TENT4B: variants seen among roughly 807,000 people sequenced by gnomAD.
TENT4B encodes the protein PAP associated domain containing 5.
In TENT4B, 10 loss-of-function variants were observed where a neutral mutation model predicts 75.0. The observed-to-expected ratio is 0.13, with a 90% CI of 0.08 to 0.23. The LOEUF is 0.23. Among genes scored for constraint, TENT4B ranks in the 10% least tolerant of loss-of-function variants. The pLI is 1.00. For synonymous variants in TENT4B, 350 were observed against 357.7 expected (o/e 0.98, Z 0.24); for missense variants, 579 against 893.8 (o/e 0.65, Z 4.49).
chr16:50,194,207 CT>C (rs1214300149), intron 1 of TENT4B, among the ~76,000 whole-genome samples: 1 of 121,498 alleles, frequency 8.2e-6, no homozygotes, highest in Non-Finnish European at 1.7e-5. Flanking sequence ...CTTTCTTTCT[CT>C]TTTCTTTCTT....
At chr16:50,154,356 A>AC in intron 1 of TENT4B, 97 bp downstream of exon 1, 3 of 1,341,618 alleles carry the variant, frequency 2.2e-6, no homozygotes, top group Non-Finnish European at 2.9e-6. Flanking sequence ...AGGAGCGGCC[A>AC]CCCCCACGGC....
At chr16:50,207,814 C>G (rs2031066811) in intron 1 of TENT4B, among the ~76,000 whole-genome samples, 1 of 152,166 alleles carries the variant, frequency 6.6e-6, no homozygotes, top group Admixed American at 6.5e-5. Flanking sequence ...CTCTGCCACT[C>G]AAATGAGAGC....
chr16:50,197,844 G>A (rs1180728418), intron 1 of TENT4B, among the ~76,000 whole-genome samples: 1 of 152,112 alleles, frequency 6.6e-6, no homozygotes, highest in African/African-American at 2.4e-5. Flanking sequence ...TGGCACAAGA[G>A]CAGGTTATAG....
chr16:50,224,531 G>A (rs2031962576), intron 7 of TENT4B, 126 bp from the exon 8 acceptor site: 1 of 1,194,068 alleles, frequency 8.4e-7, no homozygotes, highest in Non-Finnish European at 1.2e-6. Context: ...ACAGCTCACA[G>A]CTCAGCTTCC....
In TENT4B at chr16:50,233,989, C is replaced by T; in HGVS notation, c.*4661C>T. On this transcript the variant is annotated 3_prime_UTR_variant, in exon 12 of 12. Coordinates refer to ENST00000561678, the MANE Select transcript of TENT4B (RefSeq NM_001365324.3). ...CTAGTTCCACATTTTAACTTAACGTCTTTGTGGCTTCACCACTGAGCTACC... is the reference window on the plus strand; with the variant it reads ...CTAGTTCCACATTTTAACTTAACGTTTTTGTGGCTTCACCACTGAGCTACC... The T allele has an allele frequency of 1.0e-6, 1 of 985,430 alleles. No individual in the cohort carries two copies. Among genetic ancestry groups the T allele is most frequent in the Non-Finnish European group, 1.2e-6 (1 of 829,934 alleles). 61.0% of individuals were successfully genotyped at this position (985,430 alleles called of 1,614,324 possible).
intron 1 of TENT4B, among the ~76,000 whole-genome samples, chr16:50,163,209 A>G (rs1444820342): frequency 6.6e-6 from 1 of 152,202 alleles, no homozygotes; most frequent in East Asian, 1.9e-4. Context: ...TTTTAATTCT[A>G]TAATTAGGTG....
At position 50,196,488 on chromosome 16, in the gene TENT4B, T is replaced by TC. The variant is rs2030256459; in HGVS notation, c.639-14835_639-14834insC. 3.0e-4 allele frequency among the ~76,000 whole-genome samples: 45 copies of TC among 149,858 alleles called. 1 individual carries two copies. Among genetic ancestry groups the TC allele is most frequent in the Admixed American group, 1.8e-3 (27 of 14,974 alleles). Reference sequence around the variant, plus strand: ...CTTAGAGTAGCTTTTAGTTTATCATTATCATCATCATCATCATCATCATCA... The same window carrying TC: ...CTTAGAGTAGCTTTTAGTTTATCATTCATCATCATCATCATCATCATCATCA... On this transcript the variant is annotated intron_variant, in intron 1 of 11. Coordinates refer to ENST00000561678, the MANE Select transcript of TENT4B (RefSeq NM_001365324.3).
Position 50,230,492 on chromosome 16 carries a change from C to G in TENT4B, c.*1164C>G. On this transcript the variant is annotated 3_prime_UTR_variant, in exon 12 of 12. Coordinates refer to ENST00000561678, the MANE Select transcript of TENT4B (RefSeq NM_001365324.3). ...TAACTGTAAACAGCTTTAATTAAAT[C>G]ATACTTATAAAAAACTATTTTCTTA... 1.0e-6 allele frequency: 1 copy of G among 981,008 alleles called. No homozygotes were observed. The highest frequency in any genetic ancestry group is 1.2e-6 in the Non-Finnish European group (1 of 825,616). The allele number at this position is 981,008 out of a possible 1,614,324, so 60.8% of individuals were successfully genotyped here. A position where few individuals can be genotyped will look rare whatever the true frequency, so the allele number is the denominator to read the frequency against.
rs78043254 is a variant in TENT4B at position 50,175,163 on chromosome 16, T to C, written c.638+20904T>C. ...TAATATTTCTCTTTCTGGGTCTGGC[T>C]TCTTTGTATATTTTGGATAATAAGT... On this transcript the variant is annotated intron_variant, in intron 1 of 11. Transcript: ENST00000561678. 3.4e-3 allele frequency among the ~76,000 whole-genome samples: 519 copies of C among 152,330 alleles called. 2 individuals are homozygous for C. Among genetic ancestry groups the C allele is most frequent in the African/African-American group, 0.011 (452 of 41,578 alleles).
chr16:50,165,847 C>G (rs2038089763), intron 1 of TENT4B, among the ~76,000 whole-genome samples: 1 of 152,124 alleles, frequency 6.6e-6, no homozygotes, highest in South Asian at 2.1e-4. Context: ...AGGTTGTTTC[C>G]ATTTTTTGGC....
intron 1 of TENT4B, among the ~76,000 whole-genome samples, chr16:50,175,531 C>CT (rs1371543937): frequency 2.6e-5 from 4 of 152,108 alleles, no homozygotes; most frequent in Admixed American, 1.3e-4. Context: ...TGTCGCCAGG[C>CT]TGAAGTGCAG....
chr16:50,216,029 GT>G, intron 3 of TENT4B, 45 bp from the exon 4 acceptor site: 1 of 1,609,392 alleles, frequency 6.2e-7, no homozygotes, highest in Non-Finnish European at 8.5e-7. Flanking sequence ...GTTAAAACAA[GT>G]TTCCAACTTC....
chr16:50,169,616 A>C (rs957406109), intron 1 of TENT4B, among the ~76,000 whole-genome samples: 2 of 152,066 alleles, frequency 1.3e-5, no homozygotes, highest in Admixed American at 1.3e-4. Flanking sequence ...TCTTCAAGCT[A>C]CTTGGTTGTC....
chr16:50,210,968 T>C (rs996029960), intron 1 of TENT4B, among the ~76,000 whole-genome samples: 1 of 152,200 alleles, frequency 6.6e-6, no homozygotes, highest in African/African-American at 2.4e-5. Flanking sequence ...CCCCAAGAGA[T>C]AAGAGGGTCA....
At chr16:50,184,689 A>T (rs2150700968) in intron 1 of TENT4B, among the ~76,000 whole-genome samples, 1 of 151,978 alleles carries the variant, frequency 6.6e-6, no homozygotes, top group Admixed American at 6.5e-5. Context: ...AAAAGAGAAT[A>T]ATGCTGCCAT....
chr16:50,153,560 C>T lies in TENT4B; in HGVS notation c.-62C>T. On this transcript the variant is annotated 5_prime_UTR_variant, in exon 1 of 12. Transcript: ENST00000561678. ...GCCGAGGCCGGGCGTGCGCCTGAGG[C>T]GGCGGCGGCGGCGGCCCTGCGGGCG... is the stretch of plus-strand genomic sequence containing the variant. 2.1e-6 allele frequency: 2 copies of T among 963,066 alleles called. No homozygotes were observed. Among genetic ancestry groups the T allele is most frequent in the Non-Finnish European group, 2.4e-6 (2 of 819,684 alleles). 59.7% of individuals were successfully genotyped at this position (963,066 alleles called of 1,614,324 possible). A position where few individuals can be genotyped will look rare whatever the true frequency, so the allele number is the denominator to read the frequency against.
chr16:50,163,306 T>C (rs1045666698), intron 1 of TENT4B, among the ~76,000 whole-genome samples: 25 of 152,312 alleles, frequency 1.6e-4, no homozygotes, highest in African/African-American at 5.3e-4. Context: ...TTTGAAGTTA[T>C]TCACCCTTTA....
chr16:50,231,118 A>G lies in TENT4B; in HGVS notation c.*1790A>G. 14 of 985,512 alleles carry G rather than the reference A, an allele frequency of 1.4e-5. No individual in the cohort carries two copies. The highest frequency in any genetic ancestry group is 1.7e-5 in the Non-Finnish European group (14 of 829,594). 61.0% of individuals were successfully genotyped at this position (985,512 alleles called of 1,614,324 possible). A position where few individuals can be genotyped will look rare whatever the true frequency, so the allele number is the denominator to read the frequency against. ...TGTTCATATTTTAATTCACAATGGAAAAATGTGTTCCAAAACTGGAAACTC... is the reference window on the plus strand; with the variant it reads ...TGTTCATATTTTAATTCACAATGGAGAAATGTGTTCCAAAACTGGAAACTC... On this transcript the variant is annotated 3_prime_UTR_variant, in exon 12 of 12. Transcript: ENST00000561678.
intron 1 of TENT4B, among the ~76,000 whole-genome samples, chr16:50,207,403 G>A (rs1015579148): frequency 2.6e-5 from 4 of 151,716 alleles, no homozygotes; most frequent in Non-Finnish European, 4.4e-5. Context: ...GGCTGGTCTC[G>A]AACTCCTGGA....
Sources: allele counts gnomAD v4.1 joint callset (sites outside exome capture counted in the v4.1 genomes callset), GRCh38; gene constraint gnomAD v4.1.1; transcripts MANE v1.5; gene names NCBI Gene and HGNC (gene_info 2026-07-23, HGNC 2026-07-21).